The following SPAG16 variants were observed in gnomAD, a reference collection of about 807,000 sequenced individuals.
SPAG16 encodes sperm associated antigen 16, also known as sperm-associated antigen 16 protein.
A neutral mutation model predicts 80.4 loss-of-function variants in SPAG16; 86 were observed. That is an observed-to-expected ratio of 1.07 (90% CI 0.90 to 1.28). The LOEUF (loss-of-function observed/expected upper bound fraction) is 1.28, where lower values mean the gene tolerates loss of function less well. SPAG16 is among the 50% of genes most tolerant of loss of function. The probability of loss-of-function intolerance (pLI) is 0.00; values close to 1 mark genes in which losing one functional copy is unlikely to be tolerated. For missense variants in SPAG16, 870 were observed against 765.3 expected, an observed-to-expected ratio of 1.14 and a Z score of -1.61; for synonymous variants, 294 against 265.9, an observed-to-expected ratio of 1.11 and a Z score of -1.03.
chr2:213,466,696 G>T lies in SPAG16; in HGVS notation c.943-23267G>T, dbSNP rs368120445. Among the ~76,000 whole-genome samples, 17 of 152,294 alleles carry T rather than the reference G, an allele frequency of 1.1e-4. No homozygotes were observed. The South Asian group carries it at 3.5e-3, about 32-fold the overall frequency. The stretch of plus-strand genomic sequence containing the variant: ...TCTTATGTCCTCTGTTACCCTGAAA[G>T]TTAAGAAGAGGCTTACTGCCTTCCT... On this transcript the variant is annotated intron_variant, in intron 9 of 15. Transcript: ENST00000331683.
intron 15 of SPAG16, among the ~76,000 whole-genome samples, chr2:214,361,547 C>T (rs1029458456): frequency 2.0e-5 from 3 of 151,830 alleles, no homozygotes; most frequent in African/African-American, 4.8e-5. Flanking sequence ...GGAAGAGAAA[C>T]TCAAACACTT....
At chr2:213,933,801 A>G (rs1174248012) in intron 12 of SPAG16, among the ~76,000 whole-genome samples, 1 of 152,176 alleles carries the variant, frequency 6.6e-6, no homozygotes, top group Non-Finnish European at 1.5e-5. Flanking sequence ...AGGTTTAAGA[A>G]CTGTGTTTAC....
At chr2:213,442,970 A>G (rs2071072140) in intron 9 of SPAG16, among the ~76,000 whole-genome samples, 1 of 152,178 alleles carries the variant, frequency 6.6e-6, no homozygotes, top group South Asian at 2.1e-4. Flanking sequence ...AGATAAGCCA[A>G]AGACTGAGAT....
intron 10 of SPAG16, among the ~76,000 whole-genome samples, chr2:213,607,364 T>C (rs1156462507): frequency 6.6e-6 from 1 of 152,214 alleles, no homozygotes; most frequent in Non-Finnish European, 1.5e-5. Context: ...CCATATTTTC[T>C]CAGTGCCTAA....
chr2:213,695,867 C>A (rs887155492), intron 10 of SPAG16, among the ~76,000 whole-genome samples: 1 of 152,082 alleles, frequency 6.6e-6, no homozygotes, highest in African/African-American at 2.4e-5. Context: ...ATGCAGGAAG[C>A]CTTTTGTGGT....
chr2:213,495,438 T>A lies in SPAG16; in HGVS notation c.1070+5348T>A, dbSNP rs111679977. Among the ~76,000 whole-genome samples the A allele has an allele frequency of 8.1e-4, 123 of 152,348 alleles. 2 individuals are homozygous for A. The highest frequency in any genetic ancestry group is 3.4e-3 in the Middle Eastern group (1 of 292). ...AAATTAGATGTTAGGCCACATATGA[T>A]AAATGAATTTTAAAAATAAAAATAT... On this transcript the variant is annotated intron_variant, in intron 10 of 15. Coordinates refer to ENST00000331683, the MANE Select transcript of SPAG16 (RefSeq NM_024532.5).
chr2:213,776,262 C>T (rs1472786128), intron 10 of SPAG16, among the ~76,000 whole-genome samples: 1 of 152,150 alleles, frequency 6.6e-6, no homozygotes, highest in Non-Finnish European at 1.5e-5. Flanking sequence ...TAAATTTATT[C>T]TGGCTTCTGT....
chr2:214,008,633 T>C (rs1575806982), intron 12 of SPAG16, among the ~76,000 whole-genome samples: 1 of 151,896 alleles, frequency 6.6e-6, no homozygotes, highest in East Asian at 1.9e-4. Context: ...TAGCCCCAGC[T>C]ACTCCAGAGG....
chr2:213,980,679 GTGTATATATAGAATATA>G (rs1390734146), intron 12 of SPAG16, among the ~76,000 whole-genome samples: 55 of 141,042 alleles, frequency 3.9e-4, no homozygotes, highest in South Asian at 8.8e-4. Context: ...GAATATATGT[GTGTATATATAGAATATA>G]TGTGTGTGTG....
At chr2:213,768,479 A>G (rs758584537) in intron 10 of SPAG16, among the ~76,000 whole-genome samples, 38 of 152,212 alleles carry the variant, frequency 2.5e-4, no homozygotes, top group Non-Finnish European at 2.4e-4. Context: ...ACAAGACAGC[A>G]CTATATATGA....
intron 10 of SPAG16, among the ~76,000 whole-genome samples, chr2:213,709,415 T>C (rs1161959680): frequency 6.6e-6 from 1 of 152,134 alleles, no homozygotes; most frequent in Non-Finnish European, 1.5e-5. Context: ...AAATATCTTA[T>C]GAAAGAAAAA....
intron 15 of SPAG16, among the ~76,000 whole-genome samples, chr2:214,298,900 C>A (rs1013336943): frequency 1.3e-5 from 2 of 152,096 alleles, no homozygotes; most frequent in Non-Finnish European, 2.9e-5. Flanking sequence ...CAGGTAGTAA[C>A]TCTAAATATT....
At chr2:214,134,799 CT>C (rs934863005) in intron 14 of SPAG16, among the ~76,000 whole-genome samples, 8 of 152,132 alleles carry the variant, frequency 5.3e-5, no homozygotes, top group Non-Finnish European at 1.0e-4. Flanking sequence ...CACATAAGAA[CT>C]TTTTTTACAT....
intron 14 of SPAG16, among the ~76,000 whole-genome samples, chr2:214,147,092 C>T (rs2055682441): frequency 6.6e-6 from 1 of 151,906 alleles, no homozygotes; most frequent in Non-Finnish European, 1.5e-5. Context: ...AAAAGTCTAG[C>T]TAAAGGATGT....
chr2:214,195,999 T>C (rs138080972), intron 15 of SPAG16, among the ~76,000 whole-genome samples: 80 of 152,124 alleles, frequency 5.3e-4, no homozygotes, highest in African/African-American at 1.8e-3. Context: ...ATCACAGTAC[T>C]TCCTTAGAAA....
chr2:214,207,459 A>T (rs1439977935), intron 15 of SPAG16, among the ~76,000 whole-genome samples: 1 of 152,190 alleles, frequency 6.6e-6, no homozygotes, highest in Non-Finnish European at 1.5e-5. Flanking sequence ...GTTTTTGCTC[A>T]TTAAGCAGTG....
chr2:213,753,016 A>T (rs1489651066), intron 10 of SPAG16, among the ~76,000 whole-genome samples: 1 of 151,992 alleles, frequency 6.6e-6, no homozygotes, highest in Non-Finnish European at 1.5e-5. Flanking sequence ...TATTTTTTCA[A>T]TTTTTTTCTT....
chr2:214,234,365 T>C (rs1688929820), intron 15 of SPAG16, among the ~76,000 whole-genome samples: 1 of 152,192 alleles, frequency 6.6e-6, no homozygotes, highest in African/African-American at 2.4e-5. Flanking sequence ...GCATGTATCT[T>C]TATGATAGAA....
intron 1 of SPAG16, among the ~76,000 whole-genome samples, chr2:213,294,472 T>C (rs1441410184): frequency 6.6e-6 from 1 of 152,248 alleles, no homozygotes; most frequent in Non-Finnish European, 1.5e-5. Context: ...TAGTATTTAA[T>C]ATGGATGAAT....
Sources: allele counts gnomAD v4.1 joint callset (sites outside exome capture counted in the v4.1 genomes callset), GRCh38; gene constraint gnomAD v4.1.1; transcripts MANE v1.5; gene names NCBI Gene and HGNC (gene_info 2026-07-23, HGNC 2026-07-21).